The following SPHKAP variants were observed in gnomAD, a reference collection of about 807,000 sequenced individuals.
The protein encoded by SPHKAP is A-kinase anchor protein SPHKAP.
SPHKAP carries 67 observed loss-of-function variants against 137.5 expected under a neutral mutation model. The ratio of observed to expected loss-of-function variants is 0.49; its 90% confidence interval spans 0.40 to 0.60. SPHKAP has a LOEUF of 0.60. SPHKAP is among the 20% of genes least tolerant of loss of function. The probability of loss-of-function intolerance (pLI) is 0.00; values close to 1 mark genes in which losing one functional copy is unlikely to be tolerated. For synonymous variants in SPHKAP, 813 were observed against 785.3 expected (o/e 1.04, Z -0.59); for missense variants, 2,097 against 2,069.3 (o/e 1.01, Z -0.26).
chr2:228,143,478 T>C (rs1274888111), intron 1 of SPHKAP, among the ~76,000 whole-genome samples: 1 of 151,726 alleles, frequency 6.6e-6, no homozygotes, highest in East Asian at 1.9e-4. Context: ...TTCTTTTAAA[T>C]TTTATTTTTA....
In SPHKAP at chr2:228,151,435, T is replaced by C. The variant is rs144876087; in HGVS notation, c.33-19350A>G. Among the ~76,000 whole-genome samples the C allele has an allele frequency of 9.6e-3, 1,466 of 152,204 alleles. 14 individuals are homozygous for C. Among genetic ancestry groups the C allele is most frequent in the African/African-American group, 0.034 (1,395 of 41,522 alleles). On this transcript the variant is annotated intron_variant, in intron 1 of 11. Coordinates refer to ENST00000392056, the MANE Select transcript of SPHKAP (RefSeq NM_001142644.2). ...TTATAGCAGCATGATTTATAGTCCT[T>C]TGGGTATATACCAGTAATGGGATGG...
chr2:228,055,141 C>CAAAAAAAAA (rs1559149608), intron 3 of SPHKAP, among the ~76,000 whole-genome samples: 27 of 111,904 alleles, frequency 2.4e-4, no homozygotes, highest in African/African-American at 9.5e-4. Context: ...AAACTCCACT[C>CAAAAAAAAA]CAAAAAAAAA....
intron 3 of SPHKAP, among the ~76,000 whole-genome samples, chr2:228,066,117 C>G (rs1005448331): frequency 3.9e-5 from 6 of 152,112 alleles, no homozygotes; most frequent in Admixed American, 3.9e-4. Flanking sequence ...GACTAAGAGC[C>G]AAGCAAAACC....
intron 1 of SPHKAP, among the ~76,000 whole-genome samples, chr2:228,141,812 T>G (rs1354331631): frequency 6.6e-6 from 1 of 152,192 alleles, no homozygotes; most frequent in Non-Finnish European, 1.5e-5. Flanking sequence ...GTGAAAAACA[T>G]GAATTGAAAG....
Position 228,016,403 on chromosome 2 carries a change from C to T in SPHKAP, c.4448+3G>A, listed in dbSNP as rs1322092073. Reference sequence around the variant, plus strand: ...CCTATGTAGTCTGAGACGATTCACTCACCTATGGATTTGACAAGCGCTCAC... The same window carrying T: ...CCTATGTAGTCTGAGACGATTCACTTACCTATGGATTTGACAAGCGCTCAC... On this transcript the variant is annotated splice_donor_region_variant and intron_variant, in intron 7 of 11. Transcript: ENST00000392056. The T allele has an allele frequency of 6.3e-7, 1 of 1,576,344 alleles. No homozygotes were observed. The highest frequency in any genetic ancestry group is 8.6e-7 in the Non-Finnish European group (1 of 1,165,352).
intron 1 of SPHKAP, among the ~76,000 whole-genome samples, chr2:228,166,592 C>A (rs141577758): frequency 4.5e-4 from 68 of 152,262 alleles, no homozygotes; most frequent in African/African-American, 1.5e-3. Flanking sequence ...ATATCTTCTC[C>A]TTTCCTGCCT....
chr2:227,998,134 G>A (rs1321479598), intron 7 of SPHKAP, among the ~76,000 whole-genome samples: 2 of 152,108 alleles, frequency 1.3e-5, no homozygotes, highest in Non-Finnish European at 2.9e-5. Flanking sequence ...GGCCTCCCAA[G>A]TAGCTGGGAT....
In SPHKAP at chr2:228,043,333, TC is replaced by T. The variant is rs374679847; in HGVS notation, c.247-15791del. On this transcript the variant is annotated intron_variant, in intron 3 of 11. Coordinates refer to ENST00000392056, the MANE Select transcript of SPHKAP (RefSeq NM_001142644.2). ...TTAGTTGAGGATGCACTTTTTCGTT[TC>T]CTTTTGTTTTGAGATGGAGTCTCGC... is the stretch of plus-strand genomic sequence containing the variant. 3.1e-3 allele frequency among the ~76,000 whole-genome samples: 472 copies of T among 152,212 alleles called. 8 individuals are homozygous for T. Among genetic ancestry groups the T allele is most frequent in the African/African-American group, 0.01 (422 of 41,452 alleles).
At chr2:228,122,828 G>C (rs1698955944) in intron 2 of SPHKAP, among the ~76,000 whole-genome samples, 1 of 152,190 alleles carries the variant, frequency 6.6e-6, no homozygotes. Flanking sequence ...ATCGCCTCCA[G>C]AGGGAATGTG....
intron 11 of SPHKAP, 41 bp from the exon 12 acceptor site, chr2:227,981,901 G>T: frequency 6.3e-7 from 1 of 1,582,488 alleles, no homozygotes; most frequent in Non-Finnish European, 8.6e-7. Context: ...GAGCACAGAG[G>T]GTCCTCAAAG....
At chr2:228,039,317 C>T (rs6743462) in intron 3 of SPHKAP, among the ~76,000 whole-genome samples, 58,153 of 151,978 alleles carry the variant, frequency 0.38, 11,582 homozygotes, top group South Asian at 0.51. Flanking sequence ...GGTTTTTAAA[C>T]AAAACATTGC....
chr2:228,139,988 A>AGG (rs1699552352), intron 1 of SPHKAP, among the ~76,000 whole-genome samples: 1 of 110,034 alleles, frequency 9.1e-6, no homozygotes, highest in South Asian at 2.7e-4. Context: ...TCTTTTGCCC[A>AGG]GGCTGGAGTG....
Position 228,020,143 on chromosome 2 carries a change from T to G in SPHKAP, c.711A>C (p.Ile237=). 6.3e-7 allele frequency: 1 copy of G among 1,599,288 alleles called. No individual in the cohort carries two copies. The highest frequency in any genetic ancestry group is 8.5e-7 in the Non-Finnish European group (1 of 1,174,960). ...TTTCCAAAACATTGGCTGAGACATTTATATTTTCATAATCTAGTGAGGAGA... is the reference window on the plus strand; with the variant it reads ...TTTCCAAAACATTGGCTGAGACATTGATATTTTCATAATCTAGTGAGGAGA... ...VDESRNDYEN[I]NVSANVLESK... Residue 237 remains isoleucine, a synonymous_variant, in exon 7 of 12, where the codon ATA becomes ATC. Coordinates refer to ENST00000392056, the MANE Select transcript of SPHKAP (RefSeq NM_001142644.2).
chr2:227,993,736 T>C lies in SPHKAP; in HGVS notation c.4635-116A>G, dbSNP rs140035775. 668 of 911,456 alleles carry C rather than the reference T, an allele frequency of 7.3e-4. 7 individuals are homozygous for C. The East Asian group carries it at 0.017, about 24-fold the overall frequency. 56.5% of individuals were successfully genotyped at this position (911,456 alleles called of 1,614,324 possible). A position where few individuals can be genotyped will look rare whatever the true frequency, so the allele number is the denominator to read the frequency against. On this transcript the variant is annotated intron_variant, in intron 8 of 11. Coordinates refer to ENST00000392056, the MANE Select transcript of SPHKAP (RefSeq NM_001142644.2). The stretch of plus-strand genomic sequence containing the variant: ...CTTTGGTCCCCAGAAAAATATCGCT[T>C]TGTGCCTAGGACACCTCAATTCATA...
chr2:228,044,888 A>G (rs1387084216), intron 3 of SPHKAP, among the ~76,000 whole-genome samples: 1 of 152,214 alleles, frequency 6.6e-6, no homozygotes, highest in African/African-American at 2.4e-5. Context: ...AATGAACTCA[A>G]ACAAATTTAC....
rs752215496 is a variant in SPHKAP, at chr2:228,030,200, A to G, written c.247-2657T>C. On this transcript the variant is annotated intron_variant, in intron 3 of 11. Coordinates refer to ENST00000392056, the MANE Select transcript of SPHKAP (RefSeq NM_001142644.2). ...CTTCTTAAGGCCTGATGTGCATGCA[A>G]TGTGGGGAGGCCTTCTTTAAGAAAT... is the stretch of plus-strand genomic sequence containing the variant. 2.1e-4 allele frequency among the ~76,000 whole-genome samples: 32 copies of G among 152,170 alleles called. 1 individual carries two copies. In the South Asian group the frequency reaches 3.9e-3, roughly 19 times the overall value.
rs1475081560 is a variant in SPHKAP at position 228,181,418 on chromosome 2, C to T, written c.32+149G>A. The T allele has an allele frequency of 1.8e-6, 2 of 1,118,260 alleles. No individual in the cohort carries two copies. The highest frequency in any genetic ancestry group is 2.7e-6 in the Non-Finnish European group (2 of 742,738). The allele number at this position is 1,118,260 out of a possible 1,614,324, so 69.3% of individuals were successfully genotyped here. On this transcript the variant is annotated intron_variant, in intron 1 of 11. Coordinates refer to ENST00000392056, the MANE Select transcript of SPHKAP (RefSeq NM_001142644.2). This position sits in a 1 kb window ranked among gnomAD's most constrained non-coding sequence, Gnocchi z 4.3. ...CCCTGTAGCTCCAGCGAGGCTGGGC[C>T]GGACTTATTTACAAGTGCAGTGACC...
At chr2:228,013,047 A>G (rs1320030896) in intron 7 of SPHKAP, among the ~76,000 whole-genome samples, 1 of 152,226 alleles carries the variant, frequency 6.6e-6, no homozygotes, top group Non-Finnish European at 1.5e-5. Context: ...AACAAAATTA[A>G]GAGTGCATAT....
At chr2:228,030,076 C>G (rs4973593) in intron 3 of SPHKAP, among the ~76,000 whole-genome samples, 88,917 of 151,972 alleles carry the variant, frequency 0.59, 26,837 homozygotes, top group African/African-American at 0.74. Context: ...ACATTTGCTA[C>G]CTGAACCAAG....
Sources: gnomAD v4.1 joint callset for allele counts (sites outside exome capture counted in the v4.1 genomes callset) on GRCh38, gnomAD v4.1.1 for gene constraint, Gnocchi (gnomAD v3.1) non-coding constraint, MANE v1.5 for transcripts, NCBI Gene and HGNC (gene_info 2026-07-23, HGNC 2026-07-21) for gene names.